KLF12: variants seen among roughly 807,000 people sequenced by gnomAD.
KLF12 encodes KLF transcription factor 12, also known as Krueppel-like factor 12.
Under a neutral mutation model 37.8 loss-of-function variants are expected in KLF12, and 9 were observed. The ratio of observed to expected loss-of-function variants is 0.24; its 90% CI spans 0.14 to 0.42. KLF12 has a LOEUF of 0.42. Ranked by LOEUF, KLF12 falls within the 10% of genes least tolerant of loss-of-function variation. The probability of loss-of-function intolerance (pLI) is 1.00; values close to 1 mark genes in which losing one functional copy is unlikely to be tolerated. For synonymous variants in KLF12, 208 were observed against 202.1 expected, an observed-to-expected ratio of 1.03 and a Z score of -0.25; for missense variants, 411 against 516.0, an observed-to-expected ratio of 0.80 and a Z score of 1.97.
At chr13:74,150,987 T>C in the KLF12 span, among the ~76,000 whole-genome samples, 45 of 152,372 alleles carry the variant, frequency 3.0e-4, 1 homozygote, top group East Asian at 8.3e-3. Flanking sequence ...TCAATGACTT[T>C]GATTCCATGA....
chr13:74,208,139 G>A, the KLF12 span, among the ~76,000 whole-genome samples: 1 of 152,068 alleles, frequency 6.6e-6, no homozygotes, highest in Non-Finnish European at 1.5e-5. Context: ...TTTTTGGTTA[G>A]GTCAAAAGGT....
chr13:74,029,297 T>C (rs769798338), intron 1 of KLF12, among the ~76,000 whole-genome samples: 7 of 152,124 alleles, frequency 4.6e-5, no homozygotes, highest in Admixed American at 6.6e-5. Flanking sequence ...TTTTCCTCAG[T>C]TGTTTTTTTA....
At chr13:73,961,875 G>C in intron 2 of KLF12, 1 of 391,222 alleles carries the variant, frequency 2.6e-6, no homozygotes, top group Non-Finnish European at 5.1e-6. Flanking sequence ...GGAGCAACAG[G>C]AACTCTCATT....
chr13:73,959,646 A>G, intron 2 of KLF12, among the ~76,000 whole-genome samples: 1 of 152,094 alleles, frequency 6.6e-6, no homozygotes, highest in South Asian at 2.1e-4. Context: ...GTAATGTACT[A>G]CATATGTAAA....
chr13:73,925,857 A>G (rs1167561698), intron 3 of KLF12, among the ~76,000 whole-genome samples: 1 of 152,202 alleles, frequency 6.6e-6, no homozygotes, highest in African/African-American at 2.4e-5. Context: ...GAGGTGTTTA[A>G]GACTTCAGCG....
the KLF12 span, among the ~76,000 whole-genome samples, chr13:74,249,725 G>C: frequency 5.3e-5 from 8 of 152,154 alleles, no homozygotes; most frequent in Admixed American, 5.2e-4. Context: ...TGTGTTCTCT[G>C]CTGTTGTTTT....
At chr13:74,278,013 T>TA in the KLF12 span, among the ~76,000 whole-genome samples, 1 of 152,192 alleles carries the variant, frequency 6.6e-6, no homozygotes, top group Admixed American at 6.5e-5. Flanking sequence ...GGGCAAGCTG[T>TA]ATCTTACATG....
chr13:73,701,743 C>T (rs941080538), intron 7 of KLF12, among the ~76,000 whole-genome samples: 1 of 151,986 alleles, frequency 6.6e-6, no homozygotes, highest in Non-Finnish European at 1.5e-5. Flanking sequence ...CATGCCAGTG[C>T]TTGGTGTATA....
At chr13:74,017,181 T>C (rs779268886) in intron 1 of KLF12, among the ~76,000 whole-genome samples, 1 of 145,198 alleles carries the variant, frequency 6.9e-6, no homozygotes, top group Non-Finnish European at 1.5e-5. Flanking sequence ...ATTTGTAATA[T>C]ATGCACTTCC....
intron 2 of KLF12, among the ~76,000 whole-genome samples, chr13:73,961,760 T>C (rs575001778): frequency 2.6e-5 from 4 of 152,226 alleles, no homozygotes; most frequent in East Asian, 1.9e-4. Flanking sequence ...TTCAACACCA[T>C]ACATCATTAG....
chr13:73,765,129 C>T, intron 5 of KLF12, 129 bp from the exon 6 acceptor site: 1 of 587,768 alleles, frequency 1.7e-6, no homozygotes, highest in Non-Finnish European at 3.0e-6. Context: ...AACTTGAACC[C>T]CTCTTAGTAA....
the KLF12 span, among the ~76,000 whole-genome samples, chr13:74,210,271 T>A: frequency 2.0e-5 from 3 of 152,192 alleles, no homozygotes; most frequent in African/African-American, 4.8e-5. Flanking sequence ...TAACAGATTT[T>A]AAAAAATTAT....
chr13:74,034,010 A>G (rs191901564), intron 1 of KLF12, among the ~76,000 whole-genome samples: 15 of 149,856 alleles, frequency 1.0e-4, no homozygotes, highest in Middle Eastern at 3.5e-3. Flanking sequence ...CAGTGACATT[A>G]AACATCAACT....
the KLF12 span, among the ~76,000 whole-genome samples, chr13:74,195,864 G>A: frequency 3.9e-5 from 6 of 152,130 alleles, no homozygotes; most frequent in South Asian, 2.1e-4. Context: ...GATTACAGGT[G>A]TGAGCTACCG....
intron 6 of KLF12, among the ~76,000 whole-genome samples, chr13:73,754,758 T>C (rs1237339796): frequency 6.6e-6 from 1 of 152,138 alleles, no homozygotes; most frequent in Non-Finnish European, 1.5e-5. Flanking sequence ...TGAAGGGAGA[T>C]GGAATAAATC....
intron 2 of KLF12, among the ~76,000 whole-genome samples, chr13:73,975,772 T>C (rs1220234022): frequency 6.6e-6 from 1 of 152,202 alleles, no homozygotes; most frequent in Non-Finnish European, 1.5e-5. Context: ...TCCTGGCCTA[T>C]GTTCTTTCTC....
At chr13:74,116,474 T>C (rs1272088469) in intron 1 of KLF12, among the ~76,000 whole-genome samples, 1 of 152,202 alleles carries the variant, frequency 6.6e-6, no homozygotes, top group African/African-American at 2.4e-5. Context: ...ACAGGAAATT[T>C]AAGTGTTTAA....
chr13:74,261,361 C>T, the KLF12 span, among the ~76,000 whole-genome samples: 105 of 151,976 alleles, frequency 6.9e-4, no homozygotes, highest in African/African-American at 1.6e-3. Context: ...ATAATATATA[C>T]GCAGAATTTT....
chr13:73,709,865 T>C (rs1875230277), intron 7 of KLF12, among the ~76,000 whole-genome samples: 1 of 152,142 alleles, frequency 6.6e-6, no homozygotes, highest in Non-Finnish European at 1.5e-5. Flanking sequence ...GATCATGTCT[T>C]AGGGTTTTTT....
Sources: allele counts gnomAD v4.1 joint callset (sites outside exome capture counted in the v4.1 genomes callset), GRCh38; gene constraint gnomAD v4.1.1; transcripts MANE v1.5; gene names NCBI Gene and HGNC (gene_info 2026-07-23, HGNC 2026-07-21).